SUGCT: variants seen among roughly 807,000 people sequenced by gnomAD.
SUGCT encodes succinyl-CoA:glutarate CoA-transferase.
A neutral mutation model predicts 55.0 loss-of-function variants in SUGCT; 41 were observed. The ratio of observed to expected loss-of-function variants is 0.74; its 90% CI spans 0.58 to 0.97. The LOEUF is 0.97. SUGCT is among the 50% of genes least tolerant of loss of function. The pLI is 0.00. For missense variants in SUGCT, 568 were observed against 547.8 expected (o/e 1.04, Z -0.37); for synonymous variants, 187 against 200.4 (o/e 0.93, Z 0.56).
chr7:40,817,598 G>A (rs1353027749), intron 13 of SUGCT, among the ~76,000 whole-genome samples: 1 of 152,180 alleles, frequency 6.6e-6, no homozygotes. Context: ...TGTGGAATTT[G>A]AGGATCTTGT....
intron 8 of SUGCT, among the ~76,000 whole-genome samples, chr7:40,302,747 A>G (rs987990807): frequency 9.9e-5 from 15 of 152,266 alleles, no homozygotes; most frequent in African/African-American, 3.6e-4. Context: ...AACTGATTAC[A>G]GACATAATTA....
At chr7:40,251,535 C>T (rs1790404340) in intron 7 of SUGCT, among the ~76,000 whole-genome samples, 1 of 152,114 alleles carries the variant, frequency 6.6e-6, no homozygotes, top group Non-Finnish European at 1.5e-5. Flanking sequence ...GCCCTCTTCC[C>T]AAGACCCCAG....
rs571280430 is a variant in SUGCT, at chr7:40,353,611, A to T, written c.816+36756A>T. On this transcript the variant is annotated intron_variant, in intron 9 of 13. Transcript: ENST00000335693. ...AAACTAATACCATTTTCTGTGCTTT[A>T]CATCTCATTTTAGGGTCATTATGGT... 3.3e-5 allele frequency among the ~76,000 whole-genome samples: 5 copies of T among 152,310 alleles called. No homozygotes were observed. The South Asian group carries it at 1.0e-3, about 32-fold the overall frequency.
intron 12 of SUGCT, among the ~76,000 whole-genome samples, chr7:40,633,095 G>T (rs1157293159): frequency 6.6e-6 from 1 of 152,062 alleles, no homozygotes; most frequent in Non-Finnish European, 1.5e-5. Context: ...AGAATTGAGT[G>T]ATTTATAAGA....
intron 9 of SUGCT, among the ~76,000 whole-genome samples, chr7:40,388,468 T>C (rs1334810033): frequency 1.3e-5 from 2 of 152,142 alleles, no homozygotes; most frequent in African/African-American, 4.8e-5. Flanking sequence ...CAGGCTGGAG[T>C]GCAGCGGCGC....
chr7:40,208,908 C>G (rs967698790), intron 6 of SUGCT, among the ~76,000 whole-genome samples: 2 of 152,158 alleles, frequency 1.3e-5, no homozygotes, highest in Admixed American at 6.5e-5. Context: ...TTTCAATCTG[C>G]TGCAATTAGT....
the SUGCT span, among the ~76,000 whole-genome samples, chr7:40,910,318 C>T: frequency 1.3e-5 from 2 of 151,966 alleles, no homozygotes; most frequent in African/African-American, 4.8e-5. Context: ...GCAAAATGCC[C>T]AGTCTGAGAA....
chr7:40,952,437 C>A, the SUGCT span, among the ~76,000 whole-genome samples: 1 of 152,112 alleles, frequency 6.6e-6, no homozygotes, highest in African/African-American at 2.4e-5. Flanking sequence ...TTAATTGGAG[C>A]ATTTAGCCCA....
At chr7:40,377,462 C>T (rs1172042691) in intron 9 of SUGCT, among the ~76,000 whole-genome samples, 3 of 151,458 alleles carry the variant, frequency 2.0e-5, no homozygotes, top group African/African-American at 4.9e-5. Context: ...AGGCTGGTCT[C>T]GATCTTCTCA....
At chr7:40,187,661 G>T (rs1360292289) in intron 3 of SUGCT, among the ~76,000 whole-genome samples, 1 of 152,214 alleles carries the variant, frequency 6.6e-6, no homozygotes, top group Non-Finnish European at 1.5e-5. Flanking sequence ...CTACTAGCCT[G>T]GTGCAGTGGG....
At chr7:40,157,515 T>G (rs1218603759) in intron 1 of SUGCT, among the ~76,000 whole-genome samples, 1 of 152,218 alleles carries the variant, frequency 6.6e-6, no homozygotes, top group African/African-American at 2.4e-5. Context: ...TACTTTCAGG[T>G]TACAAGAATG....
intron 12 of SUGCT, among the ~76,000 whole-genome samples, chr7:40,498,637 C>T (rs185200815): frequency 2.0e-5 from 3 of 152,274 alleles, no homozygotes; most frequent in East Asian, 1.9e-4. Context: ...TTATTATAAA[C>T]TTCTAGACTT....
intron 1 of SUGCT, among the ~76,000 whole-genome samples, chr7:40,158,564 A>AAC: frequency 2.0e-5 from 3 of 152,212 alleles, no homozygotes; most frequent in Non-Finnish European, 2.9e-5. Context: ...CAGCCTGACC[A>AAC]ATGTAGTGAA....
intron 9 of SUGCT, among the ~76,000 whole-genome samples, chr7:40,394,216 T>G (rs764333304): frequency 5.3e-5 from 8 of 152,204 alleles, no homozygotes; most frequent in African/African-American, 7.2e-5. Flanking sequence ...TCAGAAATTC[T>G]GCATCATCAA....
chr7:40,628,726 TCTG>T (rs1180123476), intron 12 of SUGCT, among the ~76,000 whole-genome samples: 5 of 139,646 alleles, frequency 3.6e-5, no homozygotes, highest in South Asian at 4.3e-4. Context: ...TGTGTTTTGT[TCTG>T]TGTGTGTGTG....
intron 9 of SUGCT, among the ~76,000 whole-genome samples, chr7:40,395,255 G>A (rs1785659066): frequency 6.6e-6 from 1 of 152,002 alleles, no homozygotes; most frequent in African/African-American, 2.4e-5. Context: ...TTGGGAGGCT[G>A]AGGCAGGCGG....
chr7:40,803,141 A>T (rs1486067700), intron 13 of SUGCT, among the ~76,000 whole-genome samples: 1 of 152,210 alleles, frequency 6.6e-6, no homozygotes, highest in African/African-American at 2.4e-5. Context: ...CTTTTCTATT[A>T]TACTTCATTC....
At chr7:40,401,801 G>T (rs543742921) in intron 9 of SUGCT, among the ~76,000 whole-genome samples, 1 of 152,320 alleles carries the variant, frequency 6.6e-6, no homozygotes, top group East Asian at 1.9e-4. Context: ...ACAACTTGGT[G>T]AATATTTAGT....
chr7:40,961,477 A>G, the SUGCT span, among the ~76,000 whole-genome samples: 1 of 152,178 alleles, frequency 6.6e-6, no homozygotes, highest in Non-Finnish European at 1.5e-5. Context: ...GGGTTTTGCT[A>G]GGATGGACTT....
Sources: gnomAD v4.1 joint callset for allele counts (sites outside exome capture counted in the v4.1 genomes callset) on GRCh38, gnomAD v4.1.1 for gene constraint, MANE v1.5 for transcripts, NCBI Gene and HGNC (gene_info 2026-07-23, HGNC 2026-07-21) for gene names.